The following DPYD variants were observed in gnomAD, a reference collection of about 807,000 sequenced individuals.
The protein encoded by DPYD is dihydropyrimidine dehydrogenase.
In DPYD, 109 loss-of-function variants were observed where a neutral mutation model predicts 116.2. The observed-to-expected ratio is 0.94, with a 90% CI of 0.80 to 1.10. The LOEUF (loss-of-function observed/expected upper bound fraction) is 1.10. Ranked by LOEUF, DPYD falls within the 50% of genes least tolerant of loss-of-function variation. The pLI is 0.00. For missense variants in DPYD, 1,302 were observed against 1,254.5 expected (o/e 1.04, Z -0.57); for synonymous variants, 440 against 432.0 (o/e 1.02, Z -0.23).
intron 20 of DPYD, among the ~76,000 whole-genome samples, chr1:97,114,937 CTG>C (rs1244966234): frequency 4.6e-5 from 7 of 152,146 alleles, no homozygotes; most frequent in African/African-American, 1.7e-4. Context: ...GTCAGATGAA[CTG>C]TGAGACTTAT....
chr1:97,783,518 C>G (rs1666868151), intron 3 of DPYD, among the ~76,000 whole-genome samples: 1 of 151,790 alleles, frequency 6.6e-6, no homozygotes, highest in Non-Finnish European at 1.5e-5. Flanking sequence ...CCTCAGCCTT[C>G]TGAGTAGCTG....
At chr1:97,647,868 G>A (rs887703743) in intron 8 of DPYD, among the ~76,000 whole-genome samples, 5 of 151,978 alleles carry the variant, frequency 3.3e-5, no homozygotes, top group Non-Finnish European at 1.5e-5. Context: ...TAACTGCAGA[G>A]TCTCTTCTAG....
chr1:97,604,733 A>C (rs187128025), intron 8 of DPYD, among the ~76,000 whole-genome samples: 1 of 152,228 alleles, frequency 6.6e-6, no homozygotes, highest in Admixed American at 6.6e-5. Flanking sequence ...TCCACAAGAA[A>C]ATCACCTTCT....
At position 97,549,689 on chromosome 1, in the gene DPYD, A is replaced by G; in HGVS notation, c.1395T>C (p.Asp465=). Residue 465 remains aspartate (D), a synonymous_variant, in exon 12 of 23, where the codon GAT becomes GAC. Transcript: ENST00000370192. Reference sequence around the variant, plus strand: ...CTTCACTAGTTTGCATAGTTTCTGGATCTACTTCTGGGAGACCCCATCTGT... The same window carrying G: ...CTTCACTAGTTTGCATAGTTTCTGGGTCTACTTCTGGGAGACCCCATCTGT... The part of the protein sequence containing the change: ...KFNRWGLPEV[D]PETMQTSEAW... The G allele has an allele frequency of 6.2e-7, 1 of 1,613,894 alleles. No individual in the cohort carries two copies. Among genetic ancestry groups the G allele is most frequent in the African/African-American group, 1.3e-5 (1 of 75,032 alleles).
intron 2 of DPYD, among the ~76,000 whole-genome samples, chr1:97,829,806 T>C (rs1669437355): frequency 1.3e-5 from 2 of 152,028 alleles, no homozygotes; most frequent in Admixed American, 1.3e-4. Context: ...CGTGCAGTTT[T>C]GTTACATAGG....
intron 16 of DPYD, among the ~76,000 whole-genome samples, chr1:97,336,706 C>T (rs771835892): frequency 6.6e-6 from 1 of 152,118 alleles, no homozygotes; most frequent in African/African-American, 2.4e-5. Flanking sequence ...GCTGAGATTG[C>T]ACCACTGTAT....
In DPYD at chr1:97,518,013, T is replaced by C. The variant is rs557148995; in HGVS notation, c.1525-2072A>G. Among the ~76,000 whole-genome samples the C allele has an allele frequency of 3.8e-4, 58 of 152,310 alleles. No homozygotes were observed. The East Asian group carries it at 8.9e-3, about 23-fold the overall frequency. ...GAGGCAGATATATGTGTAGTTCAACTTGCATTGCTTAATTTATGTAGTTTT... is the reference window on the plus strand; with the variant it reads ...GAGGCAGATATATGTGTAGTTCAACCTGCATTGCTTAATTTATGTAGTTTT... On this transcript the variant is annotated intron_variant, in intron 12 of 22. Transcript: ENST00000370192.
intron 18 of DPYD, among the ~76,000 whole-genome samples, chr1:97,294,524 T>C (rs1464457979): frequency 2.0e-5 from 3 of 152,154 alleles, no homozygotes; most frequent in African/African-American, 7.2e-5. Flanking sequence ...ATAAAAGAGA[T>C]GATGTTGCTT....
chr1:97,531,840 T>C (rs1331116692), intron 12 of DPYD, among the ~76,000 whole-genome samples: 5 of 152,184 alleles, frequency 3.3e-5, no homozygotes, highest in African/African-American at 1.2e-4. Context: ...TTTCATGTCC[T>C]TGATTCAGTG....
chr1:97,418,257 G>T (rs1254216448), intron 14 of DPYD, among the ~76,000 whole-genome samples: 1 of 150,510 alleles, frequency 6.6e-6, no homozygotes, highest in Non-Finnish European at 1.5e-5. Flanking sequence ...TACTTTTGTT[G>T]TTTTGCATTA....
intron 10 of DPYD, among the ~76,000 whole-genome samples, chr1:97,587,404 C>T (rs1343816564): frequency 6.6e-6 from 1 of 152,158 alleles, no homozygotes; most frequent in African/African-American, 2.4e-5. Context: ...TGAAGAACTG[C>T]TGTAAGCATC....
At chr1:97,845,973 C>CT (rs1670280571) in intron 2 of DPYD, among the ~76,000 whole-genome samples, 1 of 152,230 alleles carries the variant, frequency 6.6e-6, no homozygotes, top group African/African-American at 2.4e-5. Context: ...GCATCCCTGG[C>CT]TGTGTGCAAT....
intron 14 of DPYD, among the ~76,000 whole-genome samples, chr1:97,417,889 T>C (rs1274476544): frequency 6.6e-6 from 1 of 152,190 alleles, no homozygotes; most frequent in Admixed American, 6.5e-5. Flanking sequence ...GTGAGAACTG[T>C]CAATCTAGAT....
chr1:97,552,996 G>T (rs967655701), intron 11 of DPYD, among the ~76,000 whole-genome samples: 2 of 151,846 alleles, frequency 1.3e-5, no homozygotes, highest in African/African-American at 4.8e-5. Flanking sequence ...TCTACAAAAA[G>T]ATCACTAAGA....
In DPYD at chr1:97,383,818, G is replaced by A. The variant is rs937617812; in HGVS notation, c.1906-1357C>T. On this transcript the variant is annotated intron_variant, in intron 14 of 22. Transcript: ENST00000370192. ...CCTACCATTATCATTTAAAGACTAT[G>A]AGATTGAGGCTGGGTGCAGTAGCTC... is the stretch of plus-strand genomic sequence containing the variant. Among the ~76,000 whole-genome samples, 3 of 152,090 alleles carry A rather than the reference G, an allele frequency of 2.0e-5. No homozygotes were observed. In the South Asian group the frequency reaches 6.2e-4, roughly 32 times the overall value.
intron 16 of DPYD, among the ~76,000 whole-genome samples, chr1:97,351,778 G>C (rs1670158389): frequency 6.6e-6 from 1 of 152,072 alleles, no homozygotes; most frequent in Admixed American, 6.6e-5. Context: ...TTAGAAAAGA[G>C]AATGTTTATA....
At chr1:97,619,952 C>CA (rs979446343) in intron 8 of DPYD, among the ~76,000 whole-genome samples, 12 of 149,560 alleles carry the variant, frequency 8.0e-5, no homozygotes, top group African/African-American at 2.5e-4. Flanking sequence ...ATTCTAAATA[C>CA]AAAAAAGCTG....
At chr1:97,464,754 C>A (rs1272154972) in intron 13 of DPYD, among the ~76,000 whole-genome samples, 1 of 152,150 alleles carries the variant, frequency 6.6e-6, no homozygotes, top group Admixed American at 6.5e-5. Flanking sequence ...ATGCCCAGGG[C>A]AGCAAAAGTT....
In DPYD at chr1:97,224,208, G is replaced by T. The variant is rs1201101211; in HGVS notation, c.2442+10644C>A. 2.0e-5 allele frequency among the ~76,000 whole-genome samples: 3 copies of T among 151,994 alleles called. No homozygotes were observed. The East Asian group carries it at 5.8e-4, about 29-fold the overall frequency. ...CTTATAAGAGCATTTACCCAGGAAG[G>T]CAAGCCTGTAATCGGTTTTGAATCT... On this transcript the variant is annotated intron_variant, in intron 19 of 22. Coordinates refer to ENST00000370192, the MANE Select transcript of DPYD (RefSeq NM_000110.4).
Sources: gnomAD v4.1 joint callset for allele counts (sites outside exome capture counted in the v4.1 genomes callset) on GRCh38, gnomAD v4.1.1 for gene constraint, MANE v1.5 for transcripts, NCBI Gene and HGNC (gene_info 2026-07-23, HGNC 2026-07-21) for gene names.